Variants in DNHD1 observed in about 807,000 individuals in gnomAD.
DNHD1 encodes dynein heavy chain domain-containing protein 1.
In DNHD1, 383 loss-of-function variants were observed where a neutral mutation model predicts 458.1. That is an observed-to-expected ratio of 0.84 (90% CI 0.77 to 0.91). The LOEUF (loss-of-function observed/expected upper bound fraction) is 0.91, where lower values mean the gene tolerates loss of function less well. Ranked by LOEUF, DNHD1 falls within the 40% of genes least tolerant of loss-of-function variation. The pLI is 0.00. For synonymous variants in DNHD1, 2,203 were observed against 2,376.9 expected, an observed-to-expected ratio of 0.93 and a Z score of 2.13; for missense variants, 5,336 against 5,866.1, an observed-to-expected ratio of 0.91 and a Z score of 2.95.
chr11:6,571,993 C>G lies in DNHD1; in HGVS notation c.*7C>G. The G allele has an allele frequency of 6.3e-7, 1 of 1,590,274 alleles. No homozygotes were observed. Among genetic ancestry groups the G allele is most frequent in the Non-Finnish European group, 8.6e-7 (1 of 1,164,340 alleles). On this transcript the variant is annotated 3_prime_UTR_variant, in exon 43 of 43. Coordinates refer to ENST00000254579, the MANE Select transcript of DNHD1 (RefSeq NM_144666.3). This position sits in a 1 kb window ranked among gnomAD's most constrained non-coding sequence, Gnocchi z 5.0. Reference sequence around the variant, plus strand: ...CAGCCCACCCCTGTCTTGAGCCCGTCTACCAAAATAAAGTTGTAGTGATTC... The same window carrying G: ...CAGCCCACCCCTGTCTTGAGCCCGTGTACCAAAATAAAGTTGTAGTGATTC...
intron 7 of DNHD1, among the ~76,000 whole-genome samples, chr11:6,514,770 G>T (rs887341923): frequency 6.6e-6 from 1 of 152,010 alleles, no homozygotes; most frequent in African/African-American, 2.4e-5. Flanking sequence ...GAAGGCATCA[G>T]CCCCCTTACC....
rs1853825590 is a variant in DNHD1 at position 6,570,720 on chromosome 11, C to G, written c.13208C>G (p.Ala4403Gly). Residue 4403 changes from alanine (A) to glycine (G), a missense_variant, in exon 42 of 43, where the codon GCC becomes GGC. Ala to Gly is a moderately conservative substitution (Grantham distance 60, BLOSUM62 0). Transcript: ENST00000254579. ...RLCGLSEGPQ[A>G]WLLRRQSRAL... Reference sequence around the variant, plus strand: ...TGCGGACTGAGTGAGGGCCCCCAAGCCTGGCTGTTGCGACGCCAGAGTCGC... The same window carrying G: ...TGCGGACTGAGTGAGGGCCCCCAAGGCTGGCTGTTGCGACGCCAGAGTCGC... The G allele has an allele frequency of 6.2e-7, 1 of 1,611,150 alleles. No individual in the cohort carries two copies. The highest frequency in any genetic ancestry group is 1.7e-5 in the Admixed American group (1 of 59,594).
Position 6,498,445 on chromosome 11 carries a change from G to A in DNHD1, c.230G>A (p.Ser77Asn). 6.2e-7 allele frequency: 1 copy of A among 1,614,212 alleles called. No individual in the cohort carries two copies. The highest frequency in any genetic ancestry group is 8.5e-7 in the Non-Finnish European group (1 of 1,180,044). Residue 77 changes from serine to asparagine, a missense_variant, in exon 3 of 43, where the codon AGC becomes AAC. Ser to Asn is a conservative substitution (Grantham distance 46, BLOSUM62 1). Around this residue, in one of 4 missense-constraint regions of DNHD1, gnomAD observed 3,932 missense variants for 4,365.6 expected, o/e 0.90. Transcript: ENST00000254579. Reference sequence around the variant, plus strand: ...TTCTCAGCTGTGTTGCAGGACAGTAGCCCTGCAGCTTGGCGCTATCTTCAT... The same window carrying A: ...TTCTCAGCTGTGTTGCAGGACAGTAACCCTGCAGCTTGGCGCTATCTTCAT... ...TLFSAVLQDS[S>N]PAAWRYLHAV...
In DNHD1 at chr11:6,564,358, T is replaced by G. The variant is rs1436361165; in HGVS notation, c.10310T>G (p.Val3437Gly). ...AAGCTGAAGGGACGCTGCATGACTG[T>G]GTTTGGAGATACCCTCCTATGTTCA... ...LQKLKGRCMT[V>G]FGDTLLCSAA... The change falls in exon 32 of 43, where the codon GTG becomes GGG. Residue 3437 changes from valine (V) to glycine (G), a missense_variant. By Grantham distance (109) the Val-to-Gly change is moderately radical. Coordinates refer to ENST00000254579, the MANE Select transcript of DNHD1 (RefSeq NM_144666.3). 2 of 1,546,740 alleles carry G rather than the reference T, an allele frequency of 1.3e-6. No homozygotes were observed. The highest frequency in any genetic ancestry group is 3.9e-5 in the Admixed American group (2 of 50,844).
chr11:6,567,196 A>T lies in DNHD1; in HGVS notation c.11687A>T (p.Glu3896Val). 6.2e-7 allele frequency: 1 copy of T among 1,614,048 alleles called. No homozygotes were observed. Among genetic ancestry groups the T allele is most frequent in the Non-Finnish European group, 8.5e-7 (1 of 1,179,900 alleles). Residue 3896 changes from glutamate to valine, a missense_variant, in exon 36 of 43, where the codon GAG (glutamate) becomes GTG (valine). Transcript: ENST00000254579. ...KQALDSMKPR[E>V]INHGEDLASH... Reference sequence around the variant, plus strand: ...GCTCTGGACAGCATGAAGCCACGTGAGATTAATCACGGGGAGGACCTGGCC... The same window carrying T: ...GCTCTGGACAGCATGAAGCCACGTGTGATTAATCACGGGGAGGACCTGGCC...
intron 3 of DNHD1, among the ~76,000 whole-genome samples, chr11:6,499,645 G>A (rs929264452): frequency 5.3e-5 from 8 of 151,802 alleles, no homozygotes; most frequent in African/African-American, 1.2e-4. Flanking sequence ...TCGGTTCACC[G>A]CAACCTCCGC....
intron 6 of DNHD1, 108 bp downstream of exon 6, chr11:6,509,380 A>G (rs1018856291): frequency 3.2e-6 from 3 of 947,948 alleles, no homozygotes; most frequent in African/African-American, 3.3e-5. Flanking sequence ...AGCACTAAGA[A>G]AAAACCTTTA....
chr11:6,534,275 A>G (rs1188860267), intron 14 of DNHD1, 102 bp downstream of exon 14: 9 of 1,218,496 alleles, frequency 7.4e-6, no homozygotes, highest in Non-Finnish European at 1.0e-5. Context: ...GACCCCAAGC[A>G]AGCCTTGGGA....
intron 7 of DNHD1, among the ~76,000 whole-genome samples, chr11:6,518,264 G>A (rs1282383674): frequency 6.6e-6 from 1 of 152,122 alleles, no homozygotes; most frequent in Non-Finnish European, 1.5e-5. Flanking sequence ...GTTTCACCAT[G>A]TTGCCCAGGC....
In DNHD1 at chr11:6,563,566, T is replaced by A; in HGVS notation, c.9852+2T>A. 6.4e-7 allele frequency: 1 copy of A among 1,551,264 alleles called. No homozygotes were observed. The highest frequency in any genetic ancestry group is 8.7e-7 in the Non-Finnish European group (1 of 1,146,944). On this transcript the variant is annotated splice_donor_variant, in intron 30 of 42. Coordinates refer to ENST00000254579, the MANE Select transcript of DNHD1 (RefSeq NM_144666.3). LOFTEE classifies it high-confidence loss of function. ...TTATGCACTGAGGATTTTTATCAGG[T>A]AGGAAGGGTGGAGCACAATGAAGGA... is the stretch of plus-strand genomic sequence containing the variant.
chr11:6,530,771 AC>A lies in DNHD1; in HGVS notation c.2347+1652del, dbSNP rs537042524. 9.7e-3 allele frequency among the ~76,000 whole-genome samples: 1,483 copies of A among 152,286 alleles called. 21 individuals are homozygous for A. Among genetic ancestry groups the A allele is most frequent in the African/African-American group, 0.034 (1,407 of 41,560 alleles). On this transcript the variant is annotated intron_variant, in intron 12 of 42. Transcript: ENST00000254579. ...GGGGGTTCAGGCGGGCAAGGCAGGA[AC>A]CGGGAGGACGTTTGATTGTTTTGTC...
intron 10 of DNHD1, chr11:6,520,911 A>T: frequency 1.0e-6 from 1 of 961,052 alleles, no homozygotes; most frequent in Non-Finnish European, 1.2e-6. Flanking sequence ...TTCAACTTCT[A>T]TCTGTTCATT....
At chr11:6,562,482 G>A (rs1423522006) in intron 28 of DNHD1, among the ~76,000 whole-genome samples, 1 of 152,124 alleles carries the variant, frequency 6.6e-6, no homozygotes, top group Non-Finnish European at 1.5e-5. Flanking sequence ...CATGAGATTA[G>A]GGAGGGCATT....
chr11:6,509,401 C>T, intron 6 of DNHD1, 129 bp downstream of exon 6: 1 of 734,182 alleles, frequency 1.4e-6, no homozygotes, highest in Non-Finnish European at 2.2e-6. Context: ...ATCCTACCAA[C>T]CACTATGAAC....
chr11:6,552,907 A>T (rs1349906118), intron 24 of DNHD1, among the ~76,000 whole-genome samples: 1 of 152,228 alleles, frequency 6.6e-6, no homozygotes, highest in African/African-American at 2.4e-5. Context: ...GAACAGCCTC[A>T]TACCTAAGAA....
In DNHD1 at chr11:6,557,419, A is replaced by G. The variant is rs933080459; in HGVS notation, c.8124A>G (p.Val2708=). 6.4e-7 allele frequency: 1 copy of G among 1,551,390 alleles called. No homozygotes were observed. The highest frequency in any genetic ancestry group is 8.7e-7 in the Non-Finnish European group (1 of 1,147,086). ...AGGAGGAGGAGAGGGTGCCCGAAGT[A>G]GAATCTGAAGGGGAGTTGGCCCAGT... ...EEEEEERVPE[V]ESEGELAQWE... is the part of the protein sequence containing the mutation. The change falls in exon 25 of 43, where the codon GTA becomes GTG. Residue 2708 remains valine, a synonymous_variant. Transcript: ENST00000254579.
In DNHD1 at chr11:6,557,619, G is replaced by A. The variant is rs1564820395; in HGVS notation, c.8324G>A (p.Arg2775Lys). 6.4e-7 allele frequency: 1 copy of A among 1,551,644 alleles called. No homozygotes were observed. The highest frequency in any genetic ancestry group is 8.7e-7 in the Non-Finnish European group (1 of 1,147,010). The change falls in exon 25 of 43, where the codon AGG (arginine) becomes AAG (lysine). Residue 2775 changes from arginine (R) to lysine (K), a missense_variant. Arg to Lys is a conservative substitution (Grantham distance 26). Around this residue, in one of 4 missense-constraint regions of DNHD1, gnomAD observed 3,932 missense variants for 4,365.6 expected, o/e 0.90. Transcript: ENST00000254579. ...AAGATAAGGCAAGAGAAAGGCACAA[G>A]GGCATCCAACTATAGGCTCCAGGTA... ...SHKIRQEKGTRASNYRLQVRR... is the reference protein window; with the variant it reads ...SHKIRQEKGTKASNYRLQVRR...
In DNHD1 at chr11:6,546,929, G is replaced by T; in HGVS notation, c.5990G>T (p.Gly1997Val). 1 of 1,551,542 alleles carries T rather than the reference G, an allele frequency of 6.4e-7. No individual in the cohort carries two copies. Among genetic ancestry groups the T allele is most frequent in the Admixed American group, 2.0e-5 (1 of 50,990 alleles). ...GILLLGPAGS[G>V]KTTCWHSLFK... ...CTGCTCCTGGGCCCTGCGGGCAGCG[G>T]CAAGACCACTTGTTGGCACAGCTTA... is the stretch of plus-strand genomic sequence containing the variant. Residue 1997 changes from glycine to valine, a missense_variant, in exon 21 of 43, where the codon GGC becomes GTC. Gly to Val is a moderately radical substitution (Grantham distance 109). Coordinates refer to ENST00000254579, the MANE Select transcript of DNHD1 (RefSeq NM_144666.3).
intron 4 of DNHD1, chr11:6,503,637 CCA>C (rs1292452748): frequency 6.6e-6 from 1 of 152,194 alleles, no homozygotes; most frequent in African/African-American, 2.4e-5. Flanking sequence ...GCATGAATCA[CCA>C]CACTCGGCCA....
Sources: allele counts gnomAD v4.1 joint callset (sites outside exome capture counted in the v4.1 genomes callset), GRCh38; gene constraint gnomAD v4.1.1; regional missense constraint gnomAD v4.1.1; non-coding constraint Gnocchi (gnomAD v3.1); transcripts MANE v1.5; gene names NCBI Gene and HGNC (gene_info 2026-07-23, HGNC 2026-07-21).